The following ABCA4 variants were observed in gnomAD, a reference collection of about 807,000 sequenced individuals.
The protein encoded by ABCA4 is retinal-specific phospholipid-transporting ATPase ABCA4.
A neutral mutation model predicts 263.7 loss-of-function variants in ABCA4; 196 were observed. The ratio of observed to expected loss-of-function variants is 0.74; its 90% CI spans 0.66 to 0.84. ABCA4 has a LOEUF of 0.84. Among genes scored for constraint, ABCA4 ranks in the 40% least tolerant of loss-of-function variants. ABCA4 has a pLI of 0.00. For missense variants in ABCA4, 2,792 were observed against 2,855.1 expected, an observed-to-expected ratio of 0.98 and a Z score of 0.50; for synonymous variants, 1,133 against 1,094.2, an observed-to-expected ratio of 1.04 and a Z score of -0.70.
At chr1:94,114,634 C>T (rs1039376697) in intron 1 of ABCA4, among the ~76,000 whole-genome samples, 2 of 152,098 alleles carry the variant, frequency 1.3e-5, no homozygotes, top group Admixed American at 1.3e-4. Context: ...CTGCAGGTGC[C>T]CACCACCATG....
At position 94,074,395 on chromosome 1, in the gene ABCA4, C is replaced by G. The variant is rs1431793692; in HGVS notation, c.1554+3295G>C. On this transcript the variant is annotated intron_variant, in intron 11 of 49. Coordinates refer to ENST00000370225, the MANE Select transcript of ABCA4 (RefSeq NM_000350.3). ...TGGATTAAAGACTTAAATGTAAAAT[C>G]TAAAATCATGAAAACTAGAAGAAAG... Among the ~76,000 whole-genome samples, 9 of 152,172 alleles carry G rather than the reference C, an allele frequency of 5.9e-5. 1 individual carries two copies. The highest frequency in any genetic ancestry group is 2.9e-5 in the Non-Finnish European group (2 of 68,014).
intron 8 of ABCA4, 38 bp from the exon 9 acceptor site, chr1:94,079,499 C>G: frequency 6.2e-7 from 1 of 1,613,918 alleles, no homozygotes; most frequent in African/African-American, 1.3e-5. Flanking sequence ...CAGAAACTCC[C>G]CATTGCTTGT....
Position 94,080,686 on chromosome 1 carries a change from C to G in ABCA4, c.891G>C (p.Leu297=), listed in dbSNP as rs946777080. 6.2e-7 allele frequency: 1 copy of G among 1,614,166 alleles called. No homozygotes were observed. Among genetic ancestry groups the G allele is most frequent in the Non-Finnish European group, 8.5e-7 (1 of 1,180,036 alleles). Residue 297 remains leucine, a synonymous_variant, in exon 8 of 50, where the codon CTG becomes CTC. Transcript: ENST00000370225. Reference sequence around the variant, plus strand: ...TCTGCATGAGGGGCCTGGTCACCCACAGCAAGTCCTGCATACTCGGCCGAT... The same window carrying G: ...TCTGCATGAGGGGCCTGGTCACCCAGAGCAAGTCCTGCATACTCGGCCGAT... The part of the protein sequence containing the change: ...FIHRPSMQDL[L]WVTRPLMQNG...
chr1:94,067,836 A>T (rs1557789902), intron 11 of ABCA4, among the ~76,000 whole-genome samples: 1 of 152,358 alleles, frequency 6.6e-6, no homozygotes, highest in East Asian at 1.9e-4. Context: ...ATGAGGTCCA[A>T]GTTCACTTAG....
chr1:94,021,794 G>C lies in ABCA4; in HGVS notation c.4773+52C>G. ...TCACTCATGAGAGTTTCTCATTCAT[G>C]GTAGTTAAGCAAGTCAAAAATCCTA... On this transcript the variant is annotated intron_variant, in intron 33 of 49. Transcript: ENST00000370225. The C allele has an allele frequency of 1.9e-6, 3 of 1,604,492 alleles. 1 individual carries two copies. The Admixed American group carries it at 5.0e-5, about 27-fold the overall frequency.
rs1208713389 is a variant in ABCA4, at chr1:94,080,577, C to T, written c.1000G>A (p.Val334Met). The change falls in exon 8 of 50, where the codon GTG becomes ATG. Residue 334 changes from valine to methionine, a missense_variant. Val to Met is a conservative substitution (Grantham distance 21). Transcript: ENST00000370225. Reference sequence around the variant, plus strand: ...TCTTCATACCAGTTGAAGGAGAGCACCCGAGAGCCACCTCCCTCGGGGTAG... The same window carrying T: ...TCTTCATACCAGTTGAAGGAGAGCATCCGAGAGCCACCTCCCTCGGGGTAG... Reference protein sequence around the residue: ...CGYPEGGGSRVLSFNWYEDNN... With the variant: ...CGYPEGGGSRMLSFNWYEDNN... The T allele has an allele frequency of 1.9e-6, 3 of 1,614,140 alleles. No individual in the cohort carries two copies. The South Asian group carries it at 3.3e-5, about 18-fold the overall frequency.
rs1388510409 is a variant in ABCA4, at chr1:94,083,392, C to A, written c.818G>T (p.Trp273Leu). The change falls in exon 7 of 50, where the codon TGG becomes TTG. Residue 273 changes from tryptophan to leucine, a missense_variant. Transcript: ENST00000370225. ...TGACATATCAGATAATATTCCTCCC[C>A]AAGATCTCAGATTGATACCTTGAGA... Reference protein sequence around the residue: ...SRSQGINLRSWGGILSDMSPR... With the variant: ...SRSQGINLRSLGGILSDMSPR... The A allele has an allele frequency of 6.2e-7, 1 of 1,613,800 alleles. No individual in the cohort carries two copies. Among genetic ancestry groups the A allele is most frequent in the Admixed American group, 1.7e-5 (1 of 60,018 alleles).
At chr1:94,045,100 G>A (rs1186504446) in intron 19 of ABCA4, among the ~76,000 whole-genome samples, 4 of 152,204 alleles carry the variant, frequency 2.6e-5, no homozygotes, top group East Asian at 3.9e-4. Flanking sequence ...AAAGGTGTTC[G>A]GTGCATGACT....
In ABCA4 at chr1:94,027,806, A is replaced by T. The variant is rs1960277; in HGVS notation, c.4539+1639T>A. 8.3e-4 allele frequency among the ~76,000 whole-genome samples: 126 copies of T among 152,308 alleles called. 1 individual carries two copies. Among genetic ancestry groups the T allele is most frequent in the African/African-American group, 3.0e-3 (124 of 41,566 alleles). On this transcript the variant is annotated intron_variant, in intron 30 of 49. Transcript: ENST00000370225. ...AGAAAACCTTCCCTAAACATAGCAC[A>T]TGTGCACACTCTGCCCTCTGTTTTG...
chr1:94,000,908 A>C lies in ABCA4; in HGVS notation c.6407T>G (p.Leu2136Arg). Residue 2136 changes from leucine to arginine, a missense_variant, in exon 47 of 50, where the codon CTG becomes CGG. By Grantham distance (102) the Leu-to-Arg change is moderately radical. Transcript: ENST00000370225. The part of the protein sequence containing the change: ...TSHSMEECEA[L>R]CTRLAIMVKG... Reference sequence around the variant, plus strand: ...TACCATGATGGCCAGCCGGGTACACAGTGCCTCACATTCTTCCATGCTGTG... The same window carrying C: ...TACCATGATGGCCAGCCGGGTACACCGTGCCTCACATTCTTCCATGCTGTG... The C allele has an allele frequency of 6.2e-7, 1 of 1,614,198 alleles. No homozygotes were observed. The highest frequency in any genetic ancestry group is 8.5e-7 in the Non-Finnish European group (1 of 1,180,034).
intron 45 of ABCA4, chr1:94,001,615 A>G (rs918574178): frequency 1.5e-5 from 10 of 672,746 alleles, no homozygotes; most frequent in Non-Finnish European, 2.4e-5. Flanking sequence ...GCCCCACAGG[A>G]GACATCCTGG....
chr1:94,084,256 A>G (rs1661777895), intron 6 of ABCA4, among the ~76,000 whole-genome samples: 1 of 152,252 alleles, frequency 6.6e-6, no homozygotes, highest in Non-Finnish European at 1.5e-5. Context: ...CTAAGTGTAA[A>G]GACAGTGGTT....
At chr1:94,097,693 G>C (rs1662159499) in intron 6 of ABCA4, among the ~76,000 whole-genome samples, 1 of 152,096 alleles carries the variant, frequency 6.6e-6, no homozygotes, top group African/African-American at 2.4e-5. Context: ...GATTGGGGGT[G>C]GGGATTTAGC....
At chr1:94,043,045 T>C (rs1660563052) in intron 21 of ABCA4, 147 bp from the exon 22 acceptor site, 2 of 1,259,232 alleles carry the variant, frequency 1.6e-6, no homozygotes, top group Non-Finnish European at 2.3e-6. Flanking sequence ...AAAGCCCTAA[T>C]ACTGTTCAGG....
chr1:94,062,622 C>T lies in ABCA4; in HGVS notation c.1892G>A (p.Gly631Glu). The stretch of plus-strand genomic sequence containing the variant: ...GTAGGGCATCTGCTGGAGGTAGATT[C>T]CAACTGGAGCCTCCGCCTGCACCTG... ...RSQVQAEAPV[G>E]IYLQQMPYPC... The change falls in exon 13 of 50, where the codon GGA becomes GAA. Residue 631 changes from glycine to glutamate, a missense_variant. Physicochemically the swap from Gly to Glu is moderately conservative, Grantham distance 98. Coordinates refer to ENST00000370225, the MANE Select transcript of ABCA4 (RefSeq NM_000350.3). The T allele has an allele frequency of 1.2e-6, 2 of 1,613,892 alleles. No individual in the cohort carries two copies. The highest frequency in any genetic ancestry group is 1.7e-6 in the Non-Finnish European group (2 of 1,179,880).
chr1:94,089,713 C>A (rs1049941417), intron 6 of ABCA4, among the ~76,000 whole-genome samples: 2 of 152,030 alleles, frequency 1.3e-5, no homozygotes, highest in African/African-American at 4.8e-5. Flanking sequence ...GCGTCTGCCT[C>A]GGCCTCCCAA....
At chr1:94,001,566 G>A in intron 45 of ABCA4, 1 of 599,048 alleles carries the variant, frequency 1.7e-6, no homozygotes. Context: ...ACACCGACAG[G>A]CCGCAGAGTG....
chr1:94,108,744 G>T (rs1275284779), intron 3 of ABCA4, 28 bp from the exon 4 acceptor site: 1 of 1,612,670 alleles, frequency 6.2e-7, no homozygotes, highest in East Asian at 2.2e-5. Context: ...CATTAATAAG[G>T]AAATAGCTGT....
intron 11 of ABCA4, among the ~76,000 whole-genome samples, chr1:94,075,647 A>C (rs1025818742): frequency 1.3e-5 from 2 of 152,356 alleles, no homozygotes; most frequent in East Asian, 1.9e-4. Flanking sequence ...GTCTGAGACA[A>C]GAGGGCATGC....
Sources: allele counts gnomAD v4.1 joint callset (sites outside exome capture counted in the v4.1 genomes callset), GRCh38; gene constraint gnomAD v4.1.1; transcripts MANE v1.5; gene names NCBI Gene and HGNC (gene_info 2026-07-23, HGNC 2026-07-21).